Variants in MARCHF1 observed in about 807,000 individuals in gnomAD.
MARCHF1 encodes membrane associated ring-CH-type finger 1.
A neutral mutation model predicts 54.2 loss-of-function variants in MARCHF1; 40 were observed. The observed-to-expected ratio is 0.74, with a 90% confidence interval of 0.57 to 0.96. MARCHF1 has a LOEUF of 0.96. Ranked by LOEUF, MARCHF1 falls within the 40% of genes least tolerant of loss-of-function variation. MARCHF1 has a pLI of 0.00. For synonymous variants in MARCHF1, 236 were observed against 236.3 expected, an observed-to-expected ratio of 1.00 and a Z score of 0.01; for missense variants, 586 against 656.5, an observed-to-expected ratio of 0.89 and a Z score of 1.17.
rs76927112 is a variant in MARCHF1, at chr4:163,569,367, G to A, written c.1191+16382C>T. 4.5e-3 allele frequency among the ~76,000 whole-genome samples: 686 copies of A among 152,042 alleles called. 1 individual carries two copies. Among genetic ancestry groups the A allele is most frequent in the Non-Finnish European group, 7.2e-3 (491 of 67,968 alleles). On this transcript the variant is annotated intron_variant, in intron 8 of 9. Transcript: ENST00000514618. ...CTAAATAAGGTTATATTTTGAAGTG[G>A]GAGGGGGGATTAAACAGCGTTGAAA...
intron 3 of MARCHF1, among the ~76,000 whole-genome samples, 184 bp downstream of exon 3, chr4:163,988,317 C>A (rs1752908370): frequency 1.3e-5 from 2 of 152,180 alleles, no homozygotes. Context: ...TCTTCATTCA[C>A]AAAATAGAGG....
intron 2 of MARCHF1, among the ~76,000 whole-genome samples, chr4:164,106,630 G>T (rs944753328): frequency 6.7e-6 from 1 of 148,760 alleles, no homozygotes; most frequent in African/African-American, 2.5e-5. Flanking sequence ...GTAGGGGGAG[G>T]GGGGAGGGAT....
At chr4:164,281,465 T>C (rs775793314) in intron 1 of MARCHF1, among the ~76,000 whole-genome samples, 1 of 152,130 alleles carries the variant, frequency 6.6e-6, no homozygotes, top group Non-Finnish European at 1.5e-5. Context: ...CTAGGGGGGC[T>C]GATGTTAGTT....
chr4:163,604,713 C>G (rs2110899721), intron 7 of MARCHF1, among the ~76,000 whole-genome samples: 1 of 152,146 alleles, frequency 6.6e-6, no homozygotes, highest in South Asian at 2.1e-4. Context: ...GATTGGATTC[C>G]CCCACCTCTG....
chr4:164,057,471 C>G (rs995573660), intron 2 of MARCHF1, among the ~76,000 whole-genome samples: 2 of 152,190 alleles, frequency 1.3e-5, no homozygotes, highest in Non-Finnish European at 2.9e-5. Context: ...GATATGGTCA[C>G]ATAACCAAAT....
At chr4:164,154,348 C>T (rs751445356) in intron 1 of MARCHF1, among the ~76,000 whole-genome samples, 17 of 152,172 alleles carry the variant, frequency 1.1e-4, no homozygotes, top group Non-Finnish European at 1.6e-4. Context: ...TCTATCCACA[C>T]GTTATAGATG....
intron 5 of MARCHF1, among the ~76,000 whole-genome samples, chr4:163,637,157 A>C (rs1267149379): frequency 6.6e-6 from 1 of 152,038 alleles, no homozygotes; most frequent in African/African-American, 2.4e-5. Flanking sequence ...AAGAAAACCT[A>C]GGCTTTACCA....
intron 9 of MARCHF1, chr4:163,529,665 G>C (rs1738277853): frequency 6.6e-6 from 1 of 152,022 alleles, no homozygotes; most frequent in Non-Finnish European, 1.5e-5. Context: ...ATCATATTTT[G>C]TCATTGAGAA....
intron 3 of MARCHF1, among the ~76,000 whole-genome samples, chr4:163,897,718 C>T (rs1299305083): frequency 6.6e-6 from 1 of 152,100 alleles, no homozygotes; most frequent in Non-Finnish European, 1.5e-5. Flanking sequence ...AAAAGATTAA[C>T]TCAAGATGGA....
At chr4:164,212,965 T>C (rs534784027) in intron 1 of MARCHF1, among the ~76,000 whole-genome samples, 4 of 152,264 alleles carry the variant, frequency 2.6e-5, no homozygotes, top group South Asian at 2.1e-4. Context: ...TATACACATA[T>C]TTTTAAATCA....
At chr4:164,345,931 C>A (rs1579739340) in intron 1 of MARCHF1, among the ~76,000 whole-genome samples, 1 of 152,194 alleles carries the variant, frequency 6.6e-6, no homozygotes. Flanking sequence ...ATTTTAATGA[C>A]TCACAATAAA....
rs1191974060 is a variant in MARCHF1 at position 163,526,503 on chromosome 4, T to TAACA, written c.*2241_*2244dup. On this transcript the variant is annotated 3_prime_UTR_variant, in exon 10 of 10. Coordinates refer to ENST00000514618, the MANE Select transcript of MARCHF1 (RefSeq NM_001394959.1). ...GGATTAGTAAAAAGCTTAGGACAAT[T>TAACA]AACAGGAAAATTGCATTAAGGTTAA... The TAACA allele has an allele frequency of 6.6e-6, 1 of 152,062 alleles. No homozygotes were observed. The highest frequency in any genetic ancestry group is 1.5e-5 in the Non-Finnish European group (1 of 67,956). 9.4% of individuals were successfully genotyped at this position (152,062 alleles called of 1,614,324 possible). A position where few individuals can be genotyped will look rare whatever the true frequency, so the allele number is the denominator to read the frequency against.
At chr4:163,750,521 T>TAAAC (rs914433447) in intron 4 of MARCHF1, among the ~76,000 whole-genome samples, 1 of 69,246 alleles carries the variant, frequency 1.4e-5, no homozygotes, top group African/African-American at 3.8e-5. Flanking sequence ...AAAAAATAAA[T>TAAAC]AAATAAATAA....
rs183383985 is a variant in MARCHF1, at chr4:164,247,472, G to A, written c.-322-135810C>T. Among the ~76,000 whole-genome samples the A allele has an allele frequency of 5.8e-3, 885 of 151,796 alleles. 5 individuals are homozygous for A. Among genetic ancestry groups the A allele is most frequent in the African/African-American group, 0.02 (823 of 41,366 alleles). ...GTGACTGTTGTGGGGTGCGGGGAGA[G>A]GGGAGGGATAGCATTGGGAGATATA... On this transcript the variant is annotated intron_variant, in intron 1 of 9. Coordinates refer to ENST00000514618, the MANE Select transcript of MARCHF1 (RefSeq NM_001394959.1).
intron 2 of MARCHF1, among the ~76,000 whole-genome samples, chr4:164,074,847 A>C (rs1754943370): frequency 6.6e-6 from 1 of 151,476 alleles, no homozygotes; most frequent in South Asian, 2.1e-4. Context: ...AAATTCATAA[A>C]AAATTTTATC....
chr4:163,983,123 T>A (rs1220438286), intron 3 of MARCHF1, among the ~76,000 whole-genome samples: 2 of 152,196 alleles, frequency 1.3e-5, no homozygotes, highest in African/African-American at 2.4e-5. Flanking sequence ...CTCAGGCCTA[T>A]CCTGCCTGAG....
intron 3 of MARCHF1, among the ~76,000 whole-genome samples, chr4:163,872,252 C>G (rs1750184479): frequency 1.3e-5 from 2 of 152,152 alleles, no homozygotes; most frequent in Admixed American, 1.3e-4. Flanking sequence ...TGAAGTGAAA[C>G]TAAGTAGATT....
At position 164,161,542 on chromosome 4, in the gene MARCHF1, T is replaced by TCAGCAG. The variant is rs777700438; in HGVS notation, c.-322-49881_-322-49880insCTGCTG. 3.1e-3 allele frequency among the ~76,000 whole-genome samples: 470 copies of TCAGCAG among 151,278 alleles called. 3 individuals carry two copies. Among genetic ancestry groups the TCAGCAG allele is most frequent in the African/African-American group, 0.011 (454 of 41,040 alleles). On this transcript the variant is annotated intron_variant, in intron 1 of 9. Coordinates refer to ENST00000514618, the MANE Select transcript of MARCHF1 (RefSeq NM_001394959.1). ...GATATCAAAATCATCATCATCATCA[T>TCAGCAG]CATCAGCAGCAGCAGCAGCAGCAGC...
chr4:164,044,185 C>G (rs1247477634), intron 2 of MARCHF1, among the ~76,000 whole-genome samples: 1 of 152,172 alleles, frequency 6.6e-6, no homozygotes, highest in East Asian at 1.9e-4. Context: ...ATCTTTATAG[C>G]AGTGCCCCAC....
Sources: allele counts gnomAD v4.1 joint callset (sites outside exome capture counted in the v4.1 genomes callset), GRCh38; gene constraint gnomAD v4.1.1; transcripts MANE v1.5; gene names NCBI Gene and HGNC (gene_info 2026-07-23, HGNC 2026-07-21).